FOCAD: variants seen among roughly 807,000 people sequenced by gnomAD.
FOCAD encodes the protein KIAA1797.
In FOCAD, 198 loss-of-function variants were observed where a neutral mutation model predicts 225.6. That is an observed-to-expected ratio of 0.88 (90% confidence interval 0.78 to 0.99). The LOEUF is 0.99. Among genes scored for constraint, FOCAD ranks in the 50% least tolerant of loss-of-function variants. The probability of loss-of-function intolerance (pLI) is 0.00; values close to 1 mark genes in which losing one functional copy is unlikely to be tolerated. For missense variants in FOCAD, 2,713 were observed against 2,123.6 expected, an observed-to-expected ratio of 1.28 and a Z score of -5.46; for synonymous variants, 897 against 755.0, an observed-to-expected ratio of 1.19 and a Z score of -3.08.
intron 35 of FOCAD, among the ~76,000 whole-genome samples, chr9:20,969,508 T>C (rs147879540): frequency 6.8e-4 from 104 of 152,202 alleles, no homozygotes; most frequent in African/African-American, 2.4e-3. Context: ...CTAATTTGAA[T>C]TGATTCCAAC....
At chr9:20,797,249 A>C (rs907064483) in intron 11 of FOCAD, among the ~76,000 whole-genome samples, 1 of 152,174 alleles carries the variant, frequency 6.6e-6, no homozygotes, top group Admixed American at 6.5e-5. Context: ...GTCAGGTAGC[A>C]TGATGCCTCC....
intron 23 of FOCAD, among the ~76,000 whole-genome samples, chr9:20,913,646 G>A (rs1833631046): frequency 6.6e-6 from 1 of 152,126 alleles, no homozygotes; most frequent in South Asian, 2.1e-4. Flanking sequence ...TTTACTGACA[G>A]TTGGCTCATG....
At chr9:20,721,866 T>C (rs1825792848) in intron 4 of FOCAD, among the ~76,000 whole-genome samples, 1 of 80,126 alleles carries the variant, frequency 1.2e-5, no homozygotes, top group Non-Finnish European at 2.6e-5. Flanking sequence ...TGTTCTGCCC[T>C]GCCTTCCCCT....
At chr9:20,716,092 T>C (rs754830455) in intron 2 of FOCAD, 2 of 459,510 alleles carry the variant, frequency 4.4e-6, no homozygotes, top group Non-Finnish European at 9.6e-6. Context: ...TTCGGAGATG[T>C]CTGCTGTGGG....
intron 11 of FOCAD, among the ~76,000 whole-genome samples, chr9:20,791,221 ACACACACACACACACT>A (rs1563995003): frequency 1.0e-5 from 1 of 96,480 alleles, no homozygotes; most frequent in Admixed American, 1.3e-4. Flanking sequence ...ATATGCATGC[ACACACACACACACACT>A]CACACACACA....
intron 35 of FOCAD, among the ~76,000 whole-genome samples, chr9:20,959,380 A>G (rs900077098): frequency 6.6e-6 from 1 of 151,996 alleles, no homozygotes; most frequent in Admixed American, 6.6e-5. Flanking sequence ...TCTTAAAATC[A>G]GATTGTTTAT....
rs572748196 is a variant in FOCAD, at chr9:20,913,021, A to G, written c.2807+67A>G. Reference sequence around the variant, plus strand: ...GTGAGCTATGAGGGGAAAGGTAACTACTTTAAAGGCTTTAAGATTAGCAGG... The same window carrying G: ...GTGAGCTATGAGGGGAAAGGTAACTGCTTTAAAGGCTTTAAGATTAGCAGG... On this transcript the variant is annotated intron_variant, in intron 23 of 43. Transcript: ENST00000338382. The G allele has an allele frequency of 4.6e-6, 6 of 1,304,580 alleles. No individual in the cohort carries two copies. The African/African-American group carries it at 7.3e-5, about 16-fold the overall frequency. 80.8% of individuals were successfully genotyped at this position (1,304,580 alleles called of 1,614,324 possible).
intron 2 of FOCAD, among the ~76,000 whole-genome samples, chr9:20,675,909 A>G (rs1822218335): frequency 6.6e-6 from 1 of 152,208 alleles, no homozygotes; most frequent in South Asian, 2.1e-4. Flanking sequence ...CAAGGAGTCA[A>G]CGCTGAGTTT....
rs142141647 is a variant in FOCAD, at chr9:20,760,403, A to T, written c.494+2212A>T. On this transcript the variant is annotated intron_variant, in intron 6 of 43. Coordinates refer to ENST00000338382, the MANE Select transcript of FOCAD (RefSeq NM_001375567.1). ...TATGTCATAGTAGGCTTAGTATATGATGCAGTTCCAATCTATCTCACCAGC... is the reference window on the plus strand; with the variant it reads ...TATGTCATAGTAGGCTTAGTATATGTTGCAGTTCCAATCTATCTCACCAGC... Among the ~76,000 whole-genome samples, 714 of 152,358 alleles carry T rather than the reference A, an allele frequency of 4.7e-3. 2 individuals carry two copies. The highest frequency in any genetic ancestry group is 7.5e-3 in the Non-Finnish European group (507 of 68,020).
intron 2 of FOCAD, among the ~76,000 whole-genome samples, chr9:20,671,155 T>C (rs1403344152): frequency 6.6e-6 from 1 of 152,126 alleles, no homozygotes; most frequent in Non-Finnish European, 1.5e-5. Context: ...CATGGATACA[T>C]ACAACCTTAT....
intron 18 of FOCAD, chr9:20,874,375 G>A (rs1295844472): frequency 4.6e-6 from 1 of 215,440 alleles, no homozygotes; most frequent in Non-Finnish European, 9.0e-6. Context: ...TTTTTGGATG[G>A]TATAGAATTT....
At chr9:20,836,797 C>T (rs1826033404) in intron 15 of FOCAD, among the ~76,000 whole-genome samples, 2 of 151,770 alleles carry the variant, frequency 1.3e-5, no homozygotes, top group South Asian at 4.2e-4. Flanking sequence ...ATTCAGTACA[C>T]ATAAGTCATA....
At chr9:20,889,850 G>C (rs1831462504) in intron 21 of FOCAD, among the ~76,000 whole-genome samples, 1 of 152,146 alleles carries the variant, frequency 6.6e-6, no homozygotes, top group Admixed American at 6.5e-5. Context: ...CTTGGTAATA[G>C]AGTATCTAGA....
chr9:20,991,795 A>G (rs10964785), intron 42 of FOCAD, among the ~76,000 whole-genome samples: 7 of 143,800 alleles, frequency 4.9e-5, no homozygotes, highest in African/African-American at 1.8e-4. Context: ...CCTGGCTGAC[A>G]GATTGAGACT....
chr9:20,854,950 A>G (rs1002423558), intron 15 of FOCAD, among the ~76,000 whole-genome samples: 1 of 151,820 alleles, frequency 6.6e-6, no homozygotes, highest in Non-Finnish European at 1.5e-5. Flanking sequence ...TGCATTTTTA[A>G]TAATTCAACT....
intron 31 of FOCAD, 99 bp from the exon 32 acceptor site, chr9:20,948,752 C>A: frequency 7.7e-7 from 1 of 1,301,810 alleles, no homozygotes; most frequent in Non-Finnish European, 1.1e-6. Context: ...AAGTTTGGTA[C>A]CAATTCGACC....
chr9:20,951,935 G>A (rs1215390432), intron 34 of FOCAD, among the ~76,000 whole-genome samples: 3 of 152,126 alleles, frequency 2.0e-5, no homozygotes, highest in Admixed American at 1.3e-4. Flanking sequence ...TGGCATTAAC[G>A]TAAATGTGGG....
In FOCAD at chr9:20,914,671, A is replaced by C. The variant is rs1018499351; in HGVS notation, c.2807+1717A>C. On this transcript the variant is annotated intron_variant, in intron 23 of 43. Transcript: ENST00000338382. ...CGCAAGGATGGAAGTAGTGGACATG[A>C]GAGTAGAGAAGTTCGGGAGATTGCA... 4.6e-5 allele frequency among the ~76,000 whole-genome samples: 7 copies of C among 152,278 alleles called. No homozygotes were observed. In the South Asian group the frequency reaches 6.2e-4, roughly 14 times the overall value.
chr9:20,980,755 A>T (rs1021576944), intron 37 of FOCAD, among the ~76,000 whole-genome samples: 1 of 152,158 alleles, frequency 6.6e-6, no homozygotes, highest in Non-Finnish European at 1.5e-5. Context: ...TAGATCACTT[A>T]TTTTAGACTT....
Sources: gnomAD v4.1 joint callset for allele counts (sites outside exome capture counted in the v4.1 genomes callset) on GRCh38, gnomAD v4.1.1 for gene constraint, MANE v1.5 for transcripts, NCBI Gene and HGNC (gene_info 2026-07-23, HGNC 2026-07-21) for gene names.